EXOC6B: variants seen among roughly 807,000 people sequenced by gnomAD.
EXOC6B encodes the protein SEC15 homolog B.
Under a neutral mutation model 113.5 loss-of-function variants are expected in EXOC6B, and 54 were observed. The observed-to-expected ratio is 0.48, with a 90% CI of 0.38 to 0.60. The LOEUF is 0.60. Among genes scored for constraint, EXOC6B ranks in the 20% least tolerant of loss-of-function variants. The pLI is 0.00. For synonymous variants in EXOC6B, 357 were observed against 339.0 expected, an observed-to-expected ratio of 1.05 and a Z score of -0.58; for missense variants, 797 against 977.5, an observed-to-expected ratio of 0.82 and a Z score of 2.46.
intron 18 of EXOC6B, among the ~76,000 whole-genome samples, chr2:72,408,159 G>A (rs1486937636): frequency 6.6e-6 from 1 of 152,032 alleles, no homozygotes; most frequent in Non-Finnish European, 1.5e-5. Context: ...AACTTACAAG[G>A]GACGTGAAGG....
chr2:72,653,119 C>T (rs1389432723), intron 6 of EXOC6B, among the ~76,000 whole-genome samples: 4 of 151,614 alleles, frequency 2.6e-5, no homozygotes, highest in African/African-American at 4.8e-5. Flanking sequence ...ATGTTTATTG[C>T]GGCTCTATTC....
chr2:72,232,526 T>C (rs1681692949), intron 20 of EXOC6B, among the ~76,000 whole-genome samples: 1 of 152,202 alleles, frequency 6.6e-6, no homozygotes, highest in African/African-American at 2.4e-5. Flanking sequence ...ATGTTCATTG[T>C]AGTGTTATTT....
At chr2:72,417,040 T>C (rs148714500) in intron 18 of EXOC6B, among the ~76,000 whole-genome samples, 2 of 152,306 alleles carry the variant, frequency 1.3e-5, no homozygotes, top group Non-Finnish European at 1.5e-5. Flanking sequence ...GTCATATCTA[T>C]TAGTTATTTT....
chr2:72,365,386 A>G (rs932778956), intron 19 of EXOC6B, among the ~76,000 whole-genome samples: 4 of 152,186 alleles, frequency 2.6e-5, no homozygotes, highest in Admixed American at 2.0e-4. Flanking sequence ...AGTCTGAAAG[A>G]ACGGTTTTAG....
intron 16 of EXOC6B, among the ~76,000 whole-genome samples, chr2:72,492,012 T>C (rs888472464): frequency 2.6e-5 from 4 of 152,198 alleles, no homozygotes; most frequent in African/African-American, 9.7e-5. Context: ...GCTCAATATA[T>C]TCTACAAACA....
chr2:72,285,806 C>A (rs536991141), intron 20 of EXOC6B, among the ~76,000 whole-genome samples: 2 of 151,982 alleles, frequency 1.3e-5, no homozygotes, highest in East Asian at 3.9e-4. Flanking sequence ...AACAAACAAT[C>A]CAATTAAAAA....
At chr2:72,716,466 A>T (rs1679624816) in intron 6 of EXOC6B, among the ~76,000 whole-genome samples, 1 of 152,196 alleles carries the variant, frequency 6.6e-6, no homozygotes, top group Admixed American at 6.5e-5. Context: ...GTGTTAACAT[A>T]ACATATCTTT....
chr2:72,445,654 T>C (rs1050630799), intron 18 of EXOC6B, among the ~76,000 whole-genome samples: 2 of 152,120 alleles, frequency 1.3e-5, no homozygotes, highest in African/African-American at 4.8e-5. Flanking sequence ...ACTCCCCTTT[T>C]TATAACCATC....
intron 6 of EXOC6B, among the ~76,000 whole-genome samples, chr2:72,701,235 T>G (rs1573648055): frequency 1.4e-5 from 2 of 145,312 alleles, no homozygotes; most frequent in East Asian, 2.1e-4. Context: ...CCAGCTACTC[T>G]GGAGGCTGAG....
intron 19 of EXOC6B, among the ~76,000 whole-genome samples, chr2:72,378,503 T>C (rs928247117): frequency 6.6e-6 from 1 of 152,216 alleles, no homozygotes; most frequent in African/African-American, 2.4e-5. Flanking sequence ...ATGTCTTCTG[T>C]CTAATGCATG....
At chr2:72,220,218 G>A (rs1680780517) in intron 20 of EXOC6B, among the ~76,000 whole-genome samples, 1 of 152,200 alleles carries the variant, frequency 6.6e-6, no homozygotes, top group Admixed American at 6.5e-5. Context: ...CCTGAAGAAA[G>A]TGGATTGAGC....
chr2:72,375,449 T>C (rs1691297915), intron 19 of EXOC6B, among the ~76,000 whole-genome samples: 2 of 152,172 alleles, frequency 1.3e-5, no homozygotes, highest in Non-Finnish European at 2.9e-5. Context: ...ACTGAAATTA[T>C]ATAAAGTATG....
intron 7 of EXOC6B, among the ~76,000 whole-genome samples, chr2:72,565,033 C>A (rs536609411): frequency 3.3e-5 from 5 of 152,256 alleles, no homozygotes; most frequent in Non-Finnish European, 7.4e-5. Context: ...AAAGGATAGT[C>A]CCTCAAGAAT....
intron 8 of EXOC6B, among the ~76,000 whole-genome samples, chr2:72,525,622 A>C (rs564425214): frequency 6.6e-6 from 1 of 152,164 alleles, no homozygotes; most frequent in Non-Finnish European, 1.5e-5. Flanking sequence ...TCTGCATATA[A>C]CTGTGCACCT....
In EXOC6B at chr2:72,465,219, A is replaced by G. The variant is rs764183441; in HGVS notation, c.1921T>C (p.Tyr641His). 2 of 1,612,038 alleles carry G rather than the reference A, an allele frequency of 1.2e-6. No individual in the cohort carries two copies. Among genetic ancestry groups the G allele is most frequent in the Non-Finnish European group, 1.7e-6 (2 of 1,179,100 alleles). ...AGAAAGGCAATGAGGTCTACCAGGTAATCACTAGCTTTGTTGCCCAAATCT... is the reference window on the plus strand; with the variant it reads ...AGAAAGGCAATGAGGTCTACCAGGTGATCACTAGCTTTGTTGCCCAAATCT... ...TGDLGNKASDYLVDLIAFLRS... is the reference protein window; with the variant it reads ...TGDLGNKASDHLVDLIAFLRS... Residue 641 changes from tyrosine (Y) to histidine (H), a missense_variant, in exon 18 of 22, where the codon TAC becomes CAC. By Grantham distance (83) the Tyr-to-His change is moderately conservative. Transcript: ENST00000272427.
At chr2:72,616,403 T>C (rs1430833933) in intron 6 of EXOC6B, among the ~76,000 whole-genome samples, 1 of 152,116 alleles carries the variant, frequency 6.6e-6, no homozygotes, top group Non-Finnish European at 1.5e-5. Context: ...AGTAACCAAG[T>C]GAGCAGGGTA....
chr2:72,427,371 C>T (rs957227293), intron 18 of EXOC6B, among the ~76,000 whole-genome samples: 3 of 152,140 alleles, frequency 2.0e-5, no homozygotes, highest in Non-Finnish European at 4.4e-5. Flanking sequence ...CACTCTGCAC[C>T]CTCAGGGGCC....
In EXOC6B at chr2:72,581,977, T is replaced by C. The variant is rs149225389; in HGVS notation, c.670-6309A>G. Among the ~76,000 whole-genome samples the C allele has an allele frequency of 1.3e-4, 20 of 152,258 alleles. No individual in the cohort carries two copies. In the East Asian group the frequency reaches 3.9e-3, roughly 29 times the overall value. On this transcript the variant is annotated intron_variant, in intron 6 of 21. Transcript: ENST00000272427. ...TCTCCCAATAAACAAGGGTCAGATATATACCCAACCACATTGGGCACAATC... is the reference window on the plus strand; with the variant it reads ...TCTCCCAATAAACAAGGGTCAGATACATACCCAACCACATTGGGCACAATC...
At chr2:72,445,954 C>T (rs1696547273) in intron 18 of EXOC6B, among the ~76,000 whole-genome samples, 1 of 152,100 alleles carries the variant, frequency 6.6e-6, no homozygotes, top group African/African-American at 2.4e-5. Context: ...CTATCTCACA[C>T]CAGTCAGAAT....
Sources: allele counts gnomAD v4.1 joint callset (sites outside exome capture counted in the v4.1 genomes callset), GRCh38; gene constraint gnomAD v4.1.1; transcripts MANE v1.5; gene names NCBI Gene and HGNC (gene_info 2026-07-23, HGNC 2026-07-21).